TNNI3K: variants seen among roughly 807,000 people sequenced by gnomAD.
TNNI3K encodes the protein serine/threonine-protein kinase TNNI3K.
Under a neutral mutation model 114.5 loss-of-function variants are expected in TNNI3K, and 140 were observed. The ratio of observed to expected loss-of-function variants is 1.22; its 90% confidence interval spans 1.07 to 1.41. The LOEUF (loss-of-function observed/expected upper bound fraction) is 1.41. Ranked by LOEUF, TNNI3K falls within the 40% of genes most tolerant of loss-of-function variation. TNNI3K has a pLI of 0.00. For missense variants in TNNI3K, 1,125 were observed against 1,007.6 expected (o/e 1.12, Z -1.58); for synonymous variants, 347 against 347.5 (o/e 1.00, Z 0.02).
intron 17 of TNNI3K, among the ~76,000 whole-genome samples, chr1:74,417,288 G>A (rs1665163023): frequency 6.6e-6 from 1 of 152,008 alleles, no homozygotes; most frequent in African/African-American, 2.4e-5. Flanking sequence ...TATATTTCAT[G>A]TACTTCCCTG....
chr1:74,337,856 T>C (rs1032963010), intron 7 of TNNI3K, among the ~76,000 whole-genome samples: 2 of 152,142 alleles, frequency 1.3e-5, no homozygotes, highest in African/African-American at 2.4e-5. Context: ...TTTGGACATA[T>C]ATCCATGTTG....
intron 21 of TNNI3K, chr1:74,464,882 G>A (rs868108611): frequency 5.4e-6 from 7 of 1,307,156 alleles, no homozygotes; most frequent in Non-Finnish European, 6.8e-6. Flanking sequence ...ATCTAAAGCT[G>A]GATGCTTAAG....
chr1:74,461,095 A>G (rs1667435138), intron 20 of TNNI3K, among the ~76,000 whole-genome samples: 2 of 152,214 alleles, frequency 1.3e-5, no homozygotes, highest in African/African-American at 4.8e-5. Flanking sequence ...CCAAATGATC[A>G]TAAGGTAACA....
intron 4 of TNNI3K, among the ~76,000 whole-genome samples, chr1:74,264,470 C>A (rs1456803855): frequency 6.6e-6 from 1 of 151,890 alleles, no homozygotes; most frequent in Non-Finnish European, 1.5e-5. Context: ...TTCAAAGCCT[C>A]CAAAATTACT....
At chr1:74,401,723 A>T (rs935660466) in intron 17 of TNNI3K, 2 of 386,296 alleles carry the variant, frequency 5.2e-6, no homozygotes, top group African/African-American at 4.3e-5. Flanking sequence ...AAGAAATAAG[A>T]TGTCAAATAT....
chr1:74,271,859 A>C (rs76505752), intron 5 of TNNI3K, 151 bp downstream of exon 5: 1 of 565,426 alleles, frequency 1.8e-6, no homozygotes. Context: ...AGCTGTATAA[A>C]TGAGCTTTGG....
rs1660816065 is a variant in TNNI3K, at chr1:74,342,853, G to C, written c.694G>C (p.Asp232His). The C allele has an allele frequency of 6.2e-7, 1 of 1,613,568 alleles. No homozygotes were observed. Among genetic ancestry groups the C allele is most frequent in the Non-Finnish European group, 8.5e-7 (1 of 1,179,830 alleles). Residue 232 changes from aspartate to histidine, a missense_variant, in exon 8 of 25, where the codon GAT (aspartate) becomes CAT (histidine). Asp to His is a moderately conservative substitution (Grantham distance 81). Transcript: ENST00000326637. ...EGSKADVNAQ[D>H]NEDHVPLHFC... ...CTTGCTGATAACAGTGAATGCTCAA[G>C]ATAATGAAGACCATGTCCCACTCCA...
chr1:74,430,042 T>C (rs538431185), intron 17 of TNNI3K, among the ~76,000 whole-genome samples: 1 of 152,182 alleles, frequency 6.6e-6, no homozygotes, highest in East Asian at 1.9e-4. Context: ...AAAAAATGAA[T>C]TAATATTTAT....
chr1:74,240,036 A>G (rs1471880281), intron 2 of TNNI3K: 1 of 461,010 alleles, frequency 2.2e-6, no homozygotes, highest in African/African-American at 2.0e-5. Flanking sequence ...ACCTTAGAGT[A>G]CCATTGTCTG....
At chr1:74,438,341 T>C (rs1036383568) in intron 19 of TNNI3K, among the ~76,000 whole-genome samples, 3 of 151,998 alleles carry the variant, frequency 2.0e-5, no homozygotes, top group Non-Finnish European at 4.4e-5. Context: ...ATAAAGATAT[T>C]ATTGGAAAGC....
intron 4 of TNNI3K, among the ~76,000 whole-genome samples, chr1:74,256,827 T>A (rs952756009): frequency 2.6e-5 from 4 of 152,132 alleles, no homozygotes; most frequent in African/African-American, 4.8e-5. Context: ...TTATTAGAAT[T>A]TTTGTGTTAA....
At chr1:74,523,822 C>T (rs186203213) in intron 23 of TNNI3K, among the ~76,000 whole-genome samples, 1 of 152,134 alleles carries the variant, frequency 6.6e-6, no homozygotes, top group Admixed American at 6.6e-5. Context: ...ATGTGCAGAA[C>T]GTGCAGGTTT....
intron 21 of TNNI3K, among the ~76,000 whole-genome samples, chr1:74,477,473 C>CA (rs1365316560): frequency 2.0e-5 from 3 of 151,614 alleles, no homozygotes; most frequent in Admixed American, 6.6e-5. Flanking sequence ...CTGTCAGGAA[C>CA]AAAAAAATCC....
At chr1:74,305,619 G>C (rs1433335523) in intron 5 of TNNI3K, among the ~76,000 whole-genome samples, 2 of 152,264 alleles carry the variant, frequency 1.3e-5, no homozygotes, top group African/African-American at 4.8e-5. Flanking sequence ...CCAGAGTGAG[G>C]CTGACAGCTA....
intron 5 of TNNI3K, among the ~76,000 whole-genome samples, chr1:74,301,978 A>G (rs558027083): frequency 6.6e-6 from 1 of 152,220 alleles, no homozygotes; most frequent in Non-Finnish European, 1.5e-5. Context: ...CTTCCATAGC[A>G]TACCTTGTTT....
chr1:74,250,647 GC>G, intron 3 of TNNI3K, 24 bp from the exon 4 acceptor site: 1 of 1,605,312 alleles, frequency 6.2e-7, no homozygotes, highest in Non-Finnish European at 8.5e-7. Flanking sequence ...CAATGATTTA[GC>G]CTTTTTTCAT....
intron 2 of TNNI3K, 42 bp from the exon 3 acceptor site, chr1:74,249,417 A>G: frequency 1.3e-6 from 2 of 1,568,172 alleles, no homozygotes; most frequent in Non-Finnish European, 1.7e-6. Flanking sequence ...ACAATATGCT[A>G]AAAGATGAAT....
chr1:74,404,117 C>T (rs1036671187), intron 17 of TNNI3K, among the ~76,000 whole-genome samples: 8 of 152,200 alleles, frequency 5.3e-5, no homozygotes, highest in South Asian at 2.1e-4. Flanking sequence ...ATGCCTCTCA[C>T]CTAAGAACAA....
At chr1:74,272,389 A>C (rs1656407183) in intron 5 of TNNI3K, among the ~76,000 whole-genome samples, 1 of 151,982 alleles carries the variant, frequency 6.6e-6, no homozygotes, top group Non-Finnish European at 1.5e-5. Flanking sequence ...AGGGGGCACT[A>C]TTTAAAATAA....
Sources: allele counts gnomAD v4.1 joint callset (sites outside exome capture counted in the v4.1 genomes callset), GRCh38; gene constraint gnomAD v4.1.1; transcripts MANE v1.5; gene names NCBI Gene and HGNC (gene_info 2026-07-23, HGNC 2026-07-21).